Variants in EYA4 observed in about 807,000 individuals in gnomAD.
EYA4 encodes protein phosphatase EYA4.
EYA4 carries 31 observed loss-of-function variants against 87.9 expected under a neutral mutation model. The ratio of observed to expected loss-of-function variants is 0.35; its 90% CI spans 0.27 to 0.48. EYA4 has a LOEUF of 0.48. Among genes scored for constraint, EYA4 ranks in the 20% least tolerant of loss-of-function variants. The pLI is 0.99. For missense variants in EYA4, 678 were observed against 761.4 expected (o/e 0.89, Z 1.29); for synonymous variants, 263 against 270.6 (o/e 0.97, Z 0.28).
At chr6:133,483,897 T>C (rs1796469260) in intron 13 of EYA4, among the ~76,000 whole-genome samples, 1 of 151,914 alleles carries the variant, frequency 6.6e-6, no homozygotes, top group African/African-American at 2.4e-5. Context: ...CTAATTTTTG[T>C]ATTTTTAGTA....
chr6:133,285,157 C>T (rs140918444), intron 2 of EYA4, among the ~76,000 whole-genome samples: 10,914 of 151,436 alleles, frequency 0.072, 1,083 homozygotes, highest in African/African-American at 0.23. Context: ...CCACCACGCC[C>T]GGCTAATTTT....
At chr6:133,264,960 T>C (rs1026765638) in intron 1 of EYA4, among the ~76,000 whole-genome samples, 4 of 152,182 alleles carry the variant, frequency 2.6e-5, no homozygotes, top group East Asian at 1.9e-4. Context: ...TGTACTTCTC[T>C]ACAAACTTCT....
At position 133,273,097 on chromosome 6, in the gene EYA4, G is replaced by GTGTATATATATATATATATATA. The variant is rs142020137; in HGVS notation, c.-65-1618_-65-1617insGTATATATATATATATATATAT. On this transcript the variant is annotated intron_variant, in intron 1 of 19. Transcript: ENST00000355286. ...CAGAACTAATAGGAGATATATATAT[G>GTGTATATATATATATATATATA]TATATATATATATATATATAAAGGG... Among the ~76,000 whole-genome samples the GTGTATATATATATATATATATA allele has an allele frequency of 7.3e-3, 773 of 106,548 alleles. 20 individuals carry two copies. The highest frequency in any genetic ancestry group is 0.023 in the African/African-American group (737 of 31,452). The allele number at this position is 106,548 out of a possible 152,430, so 69.9% of individuals were successfully genotyped here.
chr6:133,362,214 A>T (rs1387970626), intron 2 of EYA4, among the ~76,000 whole-genome samples: 1 of 152,116 alleles, frequency 6.6e-6, no homozygotes, highest in Non-Finnish European at 1.5e-5. Flanking sequence ...CCTTAGATTC[A>T]CTAGGAGACT....
intron 3 of EYA4, among the ~76,000 whole-genome samples, chr6:133,398,705 C>T (rs905749536): frequency 2.6e-5 from 4 of 152,120 alleles, no homozygotes; most frequent in Non-Finnish European, 5.9e-5. Context: ...CCCAGAATTT[C>T]GCTAAGAATG....
At chr6:133,422,451 G>A (rs2062150609) in intron 3 of EYA4, among the ~76,000 whole-genome samples, 1 of 152,006 alleles carries the variant, frequency 6.6e-6, no homozygotes, top group Non-Finnish European at 1.5e-5. Context: ...TGTAGCTCTA[G>A]CTCATTTATT....
At chr6:133,407,620 G>A (rs211621) in intron 3 of EYA4, among the ~76,000 whole-genome samples, 129,777 of 151,998 alleles carry the variant, frequency 0.85, 56,218 homozygotes, top group Middle Eastern at 0.94. Context: ...AGCTTCAGCA[G>A]TTTTCGTCTT....
At chr6:133,430,024 T>C (rs866552657) in intron 3 of EYA4, among the ~76,000 whole-genome samples, 9 of 152,154 alleles carry the variant, frequency 5.9e-5, no homozygotes, top group South Asian at 2.1e-4. Context: ...CCTCCCTCCT[T>C]CCCACCTCGA....
chr6:133,445,800 T>A lies in EYA4; in HGVS notation c.84-830T>A, dbSNP rs140821463. ...TTTCACCGTGTTAGCCAGGATGGTCTCGATCTCCTGACCTCGTGATCCACT... is the reference window on the plus strand; with the variant it reads ...TTTCACCGTGTTAGCCAGGATGGTCACGATCTCCTGACCTCGTGATCCACT... On this transcript the variant is annotated intron_variant, in intron 3 of 19. Coordinates refer to ENST00000355286, the MANE Select transcript of EYA4 (RefSeq NM_004100.5). Among the ~76,000 whole-genome samples, 852 of 152,218 alleles carry A rather than the reference T, an allele frequency of 5.6e-3. 10 individuals carry two copies. The highest frequency in any genetic ancestry group is 0.019 in the African/African-American group (790 of 41,548).
At chr6:133,291,298 T>A (rs542850220) in intron 2 of EYA4, among the ~76,000 whole-genome samples, 2 of 152,346 alleles carry the variant, frequency 1.3e-5, no homozygotes, top group South Asian at 4.1e-4. Context: ...ATTTTACAGT[T>A]ATTTCCAAAT....
chr6:133,397,139 G>A (rs1372712818), intron 3 of EYA4, among the ~76,000 whole-genome samples: 1 of 152,206 alleles, frequency 6.6e-6, no homozygotes, highest in Non-Finnish European at 1.5e-5. Context: ...TGGCATGGCT[G>A]CCCAGATACT....
At chr6:133,251,355 A>G (rs921323431) in intron 1 of EYA4, among the ~76,000 whole-genome samples, 2 of 152,178 alleles carry the variant, frequency 1.3e-5, no homozygotes, top group African/African-American at 4.8e-5. Context: ...AGGTAGCTTT[A>G]CATATTGCTA....
intron 3 of EYA4, among the ~76,000 whole-genome samples, chr6:133,428,576 C>T (rs1790880399): frequency 6.6e-6 from 1 of 152,324 alleles, no homozygotes; most frequent in Non-Finnish European, 1.5e-5. Context: ...GATCCAGGAG[C>T]TCAATAACTT....
At chr6:133,328,546 T>C (rs1781679693) in intron 2 of EYA4, among the ~76,000 whole-genome samples, 1 of 152,186 alleles carries the variant, frequency 6.6e-6, no homozygotes, top group African/African-American at 2.4e-5. Context: ...CTGATTGATT[T>C]TAGGTAGAGA....
chr6:133,423,067 G>A (rs954645250), intron 3 of EYA4, among the ~76,000 whole-genome samples: 2 of 152,066 alleles, frequency 1.3e-5, no homozygotes, highest in Non-Finnish European at 2.9e-5. Flanking sequence ...AGATATGGGC[G>A]ATGGGGAACA....
intron 17 of EYA4, 74 bp downstream of exon 17, chr6:133,515,509 G>A (rs369114952): frequency 2.1e-6 from 2 of 970,896 alleles, no homozygotes; most frequent in Non-Finnish European, 3.3e-6. Flanking sequence ...TAGAAAAAAT[G>A]TTTTAATTCC....
At position 133,355,981 on chromosome 6, in the gene EYA4, T is replaced by C. The variant is rs186537121; in HGVS notation, c.34-26411T>C. On this transcript the variant is annotated intron_variant, in intron 2 of 19. Coordinates refer to ENST00000355286, the MANE Select transcript of EYA4 (RefSeq NM_004100.5). ...GCTCAAGATCAAGGTGCCAGCATGA[T>C]CAATTTCTGGTGAGGGCTTTCTTCC... Among the ~76,000 whole-genome samples the C allele has an allele frequency of 4.6e-5, 7 of 151,394 alleles. No individual in the cohort carries two copies. In the East Asian group the frequency reaches 1.4e-3, roughly 29 times the overall value.
chr6:133,499,410 C>G (rs1266403998), intron 13 of EYA4, among the ~76,000 whole-genome samples: 3 of 152,126 alleles, frequency 2.0e-5, no homozygotes, highest in Non-Finnish European at 2.9e-5. Context: ...TACACTGTTG[C>G]CATGTACTAC....
chr6:133,486,676 C>A (rs749067511), intron 13 of EYA4, among the ~76,000 whole-genome samples: 3 of 152,226 alleles, frequency 2.0e-5, no homozygotes, highest in Non-Finnish European at 4.4e-5. Context: ...GAGGAGCTAG[C>A]CCTACAAATT....
Sources: gnomAD v4.1 joint callset for allele counts (sites outside exome capture counted in the v4.1 genomes callset) on GRCh38, gnomAD v4.1.1 for gene constraint, MANE v1.5 for transcripts, NCBI Gene and HGNC (gene_info 2026-07-23, HGNC 2026-07-21) for gene names.